CDKAL1: variants seen among roughly 807,000 people sequenced by gnomAD.
The protein encoded by CDKAL1 is threonylcarbamoyladenosine tRNA methylthiotransferase.
In CDKAL1, 32 loss-of-function variants were observed where a neutral mutation model predicts 68.2. That is an observed-to-expected ratio of 0.47 (90% confidence interval 0.35 to 0.63). The LOEUF (loss-of-function observed/expected upper bound fraction) is 0.63, where lower values mean the gene tolerates loss of function less well. Ranked by LOEUF, CDKAL1 falls within the 30% of genes least tolerant of loss-of-function variation. CDKAL1 has a pLI of 0.00. For missense variants in CDKAL1, 606 were observed against 696.7 expected (o/e 0.87, Z 1.47); for synonymous variants, 234 against 244.3 (o/e 0.96, Z 0.39).
At chr6:20,662,232 C>A (rs1769317310) in intron 5 of CDKAL1, among the ~76,000 whole-genome samples, 1 of 152,040 alleles carries the variant, frequency 6.6e-6, no homozygotes, top group South Asian at 2.1e-4. Context: ...GGACATGTTA[C>A]CAAAGTATTA....
intron 11 of CDKAL1, among the ~76,000 whole-genome samples, chr6:21,045,557 A>G (rs759567135): frequency 1.1e-4 from 16 of 152,216 alleles, no homozygotes; most frequent in Non-Finnish European, 2.2e-4. Flanking sequence ...CTGAACTTGC[A>G]TGAATATCTC....
intron 5 of CDKAL1, among the ~76,000 whole-genome samples, chr6:20,726,483 G>A (rs1161002070): frequency 3.3e-5 from 5 of 152,186 alleles, no homozygotes; most frequent in Admixed American, 6.5e-5. Context: ...CATATTGAGC[G>A]CATTATAAAC....
At position 20,617,068 on chromosome 6, in the gene CDKAL1, T is replaced by C. The variant is rs572924702; in HGVS notation, c.287-32225T>C. ...GAAAAAAAAAAAAGCCTTTTTGTTC[T>C]AAATTAAAGAGAAAAACCACGGGGG... On this transcript the variant is annotated intron_variant, in intron 4 of 15. Coordinates refer to ENST00000274695, the MANE Select transcript of CDKAL1 (RefSeq NM_017774.3). Among the ~76,000 whole-genome samples, 6 of 151,930 alleles carry C rather than the reference T, an allele frequency of 3.9e-5. No individual in the cohort carries two copies. In the East Asian group the frequency reaches 1.2e-3, roughly 30 times the overall value.
At chr6:20,575,777 TC>T (rs1331733282) in intron 4 of CDKAL1, among the ~76,000 whole-genome samples, 1 of 152,196 alleles carries the variant, frequency 6.6e-6, no homozygotes, top group Admixed American at 6.5e-5. Flanking sequence ...CATTAATTTT[TC>T]TTTCAGTTGA....
chr6:20,675,700 TTGA>T (rs1411935474), intron 5 of CDKAL1, among the ~76,000 whole-genome samples: 7 of 152,196 alleles, frequency 4.6e-5, no homozygotes, highest in African/African-American at 9.7e-5. Flanking sequence ...TACATAATAC[TTGA>T]TGATGATAAC....
intron 7 of CDKAL1, among the ~76,000 whole-genome samples, chr6:20,780,072 G>A (rs1374232187): frequency 7.5e-6 from 1 of 133,656 alleles, no homozygotes; most frequent in Non-Finnish European, 1.5e-5. Flanking sequence ...AATATAGTGA[G>A]ACCCTGTCTC....
chr6:21,053,935 T>G (rs1286903217), intron 11 of CDKAL1, among the ~76,000 whole-genome samples: 2 of 152,194 alleles, frequency 1.3e-5, no homozygotes, highest in Non-Finnish European at 2.9e-5. Flanking sequence ...TTTAACGGTA[T>G]CTTTTGAGTA....
At chr6:20,829,719 G>A (rs1425848508) in intron 8 of CDKAL1, among the ~76,000 whole-genome samples, 1 of 152,206 alleles carries the variant, frequency 6.6e-6, no homozygotes. Flanking sequence ...AAGAGCAGAA[G>A]TAGACCAATG....
chr6:20,672,710 A>G (rs528688402), intron 5 of CDKAL1, among the ~76,000 whole-genome samples: 7 of 152,114 alleles, frequency 4.6e-5, no homozygotes, highest in Non-Finnish European at 8.8e-5. Flanking sequence ...ATTTTTTCAA[A>G]TTAACTTTAG....
At chr6:21,015,574 T>A (rs1014184805) in intron 11 of CDKAL1, among the ~76,000 whole-genome samples, 1 of 152,176 alleles carries the variant, frequency 6.6e-6, no homozygotes, top group African/African-American at 2.4e-5. Context: ...TTGACTCTTA[T>A]CAACAATTCT....
At chr6:20,722,586 G>A in intron 5 of CDKAL1, 1 of 255,192 alleles carries the variant, frequency 3.9e-6, no homozygotes, top group South Asian at 5.6e-5. Context: ...GAGGCAGGAG[G>A]CAGAGAAATT....
chr6:20,995,665 C>G (rs767905393), intron 10 of CDKAL1, among the ~76,000 whole-genome samples: 8 of 152,060 alleles, frequency 5.3e-5, no homozygotes, highest in Non-Finnish European at 1.0e-4. Context: ...CTTTGGTGTT[C>G]CATTTATAGA....
At chr6:20,664,972 T>C (rs954409721) in intron 5 of CDKAL1, among the ~76,000 whole-genome samples, 3 of 152,008 alleles carry the variant, frequency 2.0e-5, no homozygotes, top group African/African-American at 7.2e-5. Flanking sequence ...CTAAATAACT[T>C]TGAACAACCG....
chr6:20,563,352 T>C (rs561395361), intron 4 of CDKAL1, among the ~76,000 whole-genome samples: 46 of 152,282 alleles, frequency 3.0e-4, no homozygotes, highest in African/African-American at 8.2e-4. Flanking sequence ...GTGGAAGACA[T>C]TGAAAATGGT....
At position 21,117,841 on chromosome 6, in the gene CDKAL1, T is replaced by G. The variant is rs140222201; in HGVS notation, c.1299+9378T>G. 7.9e-5 allele frequency among the ~76,000 whole-genome samples: 12 copies of G among 152,312 alleles called. No individual in the cohort carries two copies. The East Asian group carries it at 2.3e-3, about 29-fold the overall frequency. On this transcript the variant is annotated intron_variant, in intron 13 of 15. Coordinates refer to ENST00000274695, the MANE Select transcript of CDKAL1 (RefSeq NM_017774.3). ...TTTACTACAAAGGACCTGAGGAAGCTTCTTCCTATTCCTAATCCTATCCTT... is the reference window on the plus strand; with the variant it reads ...TTTACTACAAAGGACCTGAGGAAGCGTCTTCCTATTCCTAATCCTATCCTT...
intron 5 of CDKAL1, among the ~76,000 whole-genome samples, chr6:20,688,701 G>A (rs985861806): frequency 6.6e-6 from 1 of 152,036 alleles, no homozygotes; most frequent in African/African-American, 2.4e-5. Flanking sequence ...AATCATTGTT[G>A]TTTTAAATTC....
chr6:20,621,992 A>C (rs145288837), intron 4 of CDKAL1, among the ~76,000 whole-genome samples: 151 of 152,196 alleles, frequency 9.9e-4, no homozygotes, highest in Middle Eastern at 3.4e-3. Context: ...TGTATATACT[A>C]ATCTTTAGAT....
intron 12 of CDKAL1, among the ~76,000 whole-genome samples, chr6:21,076,765 A>G (rs1772095799): frequency 6.6e-6 from 1 of 152,156 alleles, no homozygotes; most frequent in Non-Finnish European, 1.5e-5. Flanking sequence ...TAGAAAGACT[A>G]TCTTGGCATT....
chr6:21,001,246 G>A (rs116463265), intron 11 of CDKAL1, among the ~76,000 whole-genome samples: 2,223 of 151,744 alleles, frequency 0.015, 54 homozygotes, highest in African/African-American at 0.051. Flanking sequence ...TATTTCCATC[G>A]TCTTGTTTAT....
Sources: gnomAD v4.1 joint callset for allele counts (sites outside exome capture counted in the v4.1 genomes callset) on GRCh38, gnomAD v4.1.1 for gene constraint, MANE v1.5 for transcripts, NCBI Gene and HGNC (gene_info 2026-07-23, HGNC 2026-07-21) for gene names.